Variants in CPPED1 observed in about 807,000 individuals in gnomAD.
The protein encoded by CPPED1 is calcineurin like phosphoesterase domain containing 1, also known as serine/threonine-protein phosphatase CPPED1.
Under a neutral mutation model 28.0 loss-of-function variants are expected in CPPED1, and 28 were observed. The ratio of observed to expected loss-of-function variants is 1.00; its 90% confidence interval spans 0.74 to 1.37. The LOEUF (loss-of-function observed/expected upper bound fraction) is 1.37, where lower values mean the gene tolerates loss of function less well. CPPED1 is among the 40% of genes most tolerant of loss of function. The probability of loss-of-function intolerance (pLI) is 0.00; values close to 1 mark genes in which losing one functional copy is unlikely to be tolerated. For synonymous variants in CPPED1, 198 were observed against 180.2 expected (o/e 1.10, Z -0.79); for missense variants, 504 against 416.5 (o/e 1.21, Z -1.83).
At chr16:12,740,277 C>A (rs1414310729) in intron 2 of CPPED1, among the ~76,000 whole-genome samples, 1 of 151,860 alleles carries the variant, frequency 6.6e-6, no homozygotes, top group Non-Finnish European at 1.5e-5. Flanking sequence ...GAAACCCCAT[C>A]TCTACAAAAA....
chr16:12,799,162 C>A (rs1164954780), intron 1 of CPPED1, among the ~76,000 whole-genome samples: 1 of 151,684 alleles, frequency 6.6e-6, no homozygotes, highest in African/African-American at 2.4e-5. Flanking sequence ...GGGTTCAGAG[C>A]TGTGATTTTT....
At chr16:12,700,681 C>A (rs533123770) in intron 3 of CPPED1, among the ~76,000 whole-genome samples, 1 of 152,218 alleles carries the variant, frequency 6.6e-6, no homozygotes, top group South Asian at 2.1e-4. Flanking sequence ...TGTGAACTAC[C>A]ACACCTGGCC....
At chr16:12,762,130 A>G (rs1174581026) in intron 2 of CPPED1, among the ~76,000 whole-genome samples, 1 of 152,232 alleles carries the variant, frequency 6.6e-6, no homozygotes, top group African/African-American at 2.4e-5. Context: ...CGGCTAATTG[A>G]GAGGACAGCC....
At chr16:12,675,823 A>T (rs950381612) in intron 3 of CPPED1, among the ~76,000 whole-genome samples, 1 of 152,254 alleles carries the variant, frequency 6.6e-6, no homozygotes, top group Non-Finnish European at 1.5e-5. Context: ...GAAAAATGTG[A>T]CACAAATAAA....
chr16:12,727,501 TACC>T (rs1257924674), intron 2 of CPPED1, among the ~76,000 whole-genome samples: 1 of 152,238 alleles, frequency 6.6e-6, no homozygotes, highest in East Asian at 1.9e-4. Context: ...CACAGGCGTA[TACC>T]ACCACATCTG....
intron 3 of CPPED1, among the ~76,000 whole-genome samples, chr16:12,691,593 G>T (rs1220360355): frequency 6.6e-6 from 1 of 152,096 alleles, no homozygotes; most frequent in Non-Finnish European, 1.5e-5. Context: ...ACTGGATTAA[G>T]AAAATGTGGC....
At chr16:12,697,727 C>T (rs1238399598) in intron 3 of CPPED1, among the ~76,000 whole-genome samples, 2 of 152,100 alleles carry the variant, frequency 1.3e-5, no homozygotes, top group African/African-American at 2.4e-5. Context: ...GCTACAGAGA[C>T]CATAGAGCCA....
At chr16:12,738,751 C>A (rs1682488518) in intron 2 of CPPED1, among the ~76,000 whole-genome samples, 1 of 152,122 alleles carries the variant, frequency 6.6e-6, no homozygotes, top group African/African-American at 2.4e-5. Context: ...AAAATTATAA[C>A]CCTACTCATA....
intron 2 of CPPED1, among the ~76,000 whole-genome samples, chr16:12,741,058 C>T (rs989082470): frequency 1.3e-5 from 2 of 152,118 alleles, no homozygotes; most frequent in East Asian, 1.9e-4. Context: ...GATAACAGTG[C>T]CCTTTCTAAA....
chr16:12,660,497 A>ATATGTGTGTGTG lies in CPPED1; in HGVS notation c.*4388_*4389insCACACACACATA, dbSNP rs370298107. Reference sequence around the variant, plus strand: ...GAAAAGAATCCTCCACTTTTACTATATGTGTGTGTGTGTGTGTGTGTGTGT... The same window carrying ATATGTGTGTGTG: ...GAAAAGAATCCTCCACTTTTACTATATATGTGTGTGTGTGTGTGTGTGTGTGTGTGTGTGTGT... On this transcript the variant is annotated 3_prime_UTR_variant, in exon 4 of 4. Transcript: ENST00000381774. 6.9e-6 allele frequency: 1 copy of ATATGTGTGTGTG among 145,426 alleles called. No individual in the cohort carries two copies. The highest frequency in any genetic ancestry group is 2.5e-5 in the African/African-American group (1 of 39,800). The allele number at this position is 145,426 out of a possible 1,614,324, so 9.0% of individuals were successfully genotyped here.
intron 1 of CPPED1, among the ~76,000 whole-genome samples, chr16:12,802,015 G>A (rs911661197): frequency 1.3e-5 from 2 of 152,126 alleles, no homozygotes; most frequent in Non-Finnish European, 2.9e-5. Context: ...TAAACTGCAA[G>A]AATAAATACA....
chr16:12,724,093 G>A lies in CPPED1; in HGVS notation c.290-19044C>T, dbSNP rs562622412. Among the ~76,000 whole-genome samples the A allele has an allele frequency of 1.1e-3, 166 of 152,032 alleles. 1 individual carries two copies. Among genetic ancestry groups the A allele is most frequent in the Middle Eastern group, 3.4e-3 (1 of 294 alleles). ...ATGTATGCAAACCACCCCCCACTCC[G>A]GCCCCCAGGTTCCCTCTGGGGCTTC... On this transcript the variant is annotated intron_variant, in intron 2 of 3. Transcript: ENST00000381774.
chr16:12,686,782 G>T (rs1283996536), intron 3 of CPPED1, among the ~76,000 whole-genome samples: 3 of 152,188 alleles, frequency 2.0e-5, no homozygotes, highest in African/African-American at 7.2e-5. Flanking sequence ...GTTGGCAACT[G>T]AAAACAAAGA....
intron 3 of CPPED1, among the ~76,000 whole-genome samples, chr16:12,668,495 A>T (rs1713477): frequency 0.72 from 110,068 of 152,044 alleles, 42,895 homozygotes; most frequent in Non-Finnish European, 0.89. Flanking sequence ...GTCAAACTAA[A>T]CTTCATCAAA....
chr16:12,725,172 C>A (rs1158285679), intron 2 of CPPED1, among the ~76,000 whole-genome samples: 1 of 152,116 alleles, frequency 6.6e-6, no homozygotes, highest in Non-Finnish European at 1.5e-5. Context: ...CAGCTCACTG[C>A]AGCATCTGCC....
intron 2 of CPPED1, among the ~76,000 whole-genome samples, chr16:12,741,789 G>A (rs1406921900): frequency 6.6e-6 from 1 of 152,118 alleles, no homozygotes; most frequent in African/African-American, 2.4e-5. Context: ...GGTGGTTCAC[G>A]CCCGTAATCC....
intron 2 of CPPED1, among the ~76,000 whole-genome samples, chr16:12,734,971 A>T (rs1052070130): frequency 1.3e-5 from 2 of 152,276 alleles, no homozygotes; most frequent in Non-Finnish European, 1.5e-5. Context: ...CAGGCAAGGC[A>T]GGGAGGCTCA....
At chr16:12,690,583 G>A (rs913518837) in intron 3 of CPPED1, among the ~76,000 whole-genome samples, 1 of 150,286 alleles carries the variant, frequency 6.7e-6, no homozygotes, top group African/African-American at 2.4e-5. Context: ...TTGGGAGGCC[G>A]AGGTAGGTGG....
At chr16:12,704,222 C>T (rs1459033681) in intron 3 of CPPED1, among the ~76,000 whole-genome samples, 1 of 152,174 alleles carries the variant, frequency 6.6e-6, no homozygotes, top group African/African-American at 2.4e-5. Flanking sequence ...AAGGCACATG[C>T]AAGCCACATT....
Sources: allele counts gnomAD v4.1 joint callset (sites outside exome capture counted in the v4.1 genomes callset), GRCh38; gene constraint gnomAD v4.1.1; transcripts MANE v1.5; gene names NCBI Gene and HGNC (gene_info 2026-07-23, HGNC 2026-07-21).